Variants in SLC1A1 observed in about 807,000 individuals in gnomAD.
SLC1A1 encodes the protein solute carrier family 1 member 1, also known as excitatory amino acid transporter 3.
A neutral mutation model predicts 53.3 loss-of-function variants in SLC1A1; 43 were observed. The ratio of observed to expected loss-of-function variants is 0.81; its 90% confidence interval spans 0.63 to 1.04. The LOEUF is 1.04. Among genes scored for constraint, SLC1A1 ranks in the 50% least tolerant of loss-of-function variants. The pLI, the probability that SLC1A1 is intolerant of heterozygous loss-of-function variation, is 0.00. For missense variants in SLC1A1, 748 were observed against 664.9 expected, an observed-to-expected ratio of 1.12 and a Z score of -1.37; for synonymous variants, 307 against 243.2, an observed-to-expected ratio of 1.26 and a Z score of -2.44.
rs768109452 is a variant in SLC1A1, at chr9:4,583,104, G to T, written c.1260G>T (p.Val420=). Residue 420 remains valine, a synonymous_variant, in exon 11 of 12, where the codon GTG becomes GTT. Transcript: ENST00000262352. The surrounding 1 kb of genome is among the most constrained non-coding windows in gnomAD (Gnocchi z 4.6). The stretch of plus-strand genomic sequence containing the variant: ...CCCAGGCTGGCCTGGTGACCATGGT[G>T]ATTGTGCTGAGTGCCGTGGGCCTGC... ...GVPQAGLVTM[V]IVLSAVGLPA... The T allele has an allele frequency of 6.2e-7, 1 of 1,614,234 alleles. No homozygotes were observed. The highest frequency in any genetic ancestry group is 8.5e-7 in the Non-Finnish European group (1 of 1,180,046).
Position 4,583,147 on chromosome 9 carries a change from C to T in SLC1A1, c.1303C>T (p.Leu435=), listed in dbSNP as rs1026608136. The T allele has an allele frequency of 1.2e-6, 2 of 1,614,104 alleles. No individual in the cohort carries two copies. Among genetic ancestry groups the T allele is most frequent in the Admixed American group, 1.7e-5 (1 of 60,010 alleles). ...AVGLPAEDVT[L]IIAVDWLLDR... is the part of the protein sequence containing the mutation. ...GGGCCTGCCCGCCGAGGATGTCACC[C>T]TGATCATTGCTGTCGACTGGCTCCT... Residue 435 remains leucine (L), a synonymous_variant, in exon 11 of 12, where the codon CTG becomes TTG. Coordinates refer to ENST00000262352, the MANE Select transcript of SLC1A1 (RefSeq NM_004170.6). The surrounding 1 kb of genome is among the most constrained non-coding windows in gnomAD (Gnocchi z 4.6).
At chr9:4,515,828 T>C (rs931990489) in intron 1 of SLC1A1, among the ~76,000 whole-genome samples, 3 of 152,134 alleles carry the variant, frequency 2.0e-5, no homozygotes, top group Non-Finnish European at 4.4e-5. Context: ...AGTCAGAACC[T>C]CCTACCTTCC....
chr9:4,494,881 A>T (rs1179226262), intron 1 of SLC1A1, among the ~76,000 whole-genome samples: 1 of 152,168 alleles, frequency 6.6e-6, no homozygotes, highest in Admixed American at 6.5e-5. Flanking sequence ...TTATGCCATT[A>T]CTTCTGTCAT....
chr9:4,564,196 G>T (rs911556611), intron 3 of SLC1A1, 148 bp from the exon 4 acceptor site: 2 of 681,560 alleles, frequency 2.9e-6, no homozygotes, highest in Non-Finnish European at 5.4e-6. Flanking sequence ...TGAGGTTCCA[G>T]AGGAGGCTCA....
intron 1 of SLC1A1, among the ~76,000 whole-genome samples, chr9:4,516,765 C>T (rs142789334): frequency 3.2e-4 from 48 of 152,312 alleles, no homozygotes; most frequent in African/African-American, 1.0e-3. Context: ...GTTTAACACA[C>T]GGTTTATCTC....
intron 1 of SLC1A1, among the ~76,000 whole-genome samples, chr9:4,513,037 G>C (rs1007258293): frequency 6.6e-6 from 1 of 152,038 alleles, no homozygotes; most frequent in South Asian, 2.1e-4. Context: ...AAAAAAAAAT[G>C]AACCTCAACC....
At chr9:4,576,440 C>A in intron 9 of SLC1A1, 129 bp from the exon 10 acceptor site, 1 of 803,126 alleles carries the variant, frequency 1.2e-6, no homozygotes, top group East Asian at 2.6e-5. Context: ...TTGTTATTTT[C>A]TTTACTTTTC....
At chr9:4,515,396 G>A (rs1313542840) in intron 1 of SLC1A1, among the ~76,000 whole-genome samples, 1 of 152,160 alleles carries the variant, frequency 6.6e-6, no homozygotes, top group Non-Finnish European at 1.5e-5. Flanking sequence ...GTTTTCTGAA[G>A]GGAGGATAGA....
intron 1 of SLC1A1, among the ~76,000 whole-genome samples, chr9:4,494,876 C>T (rs1489692661): frequency 6.6e-6 from 1 of 152,092 alleles, no homozygotes; most frequent in African/African-American, 2.4e-5. Flanking sequence ...ACCAGTTATG[C>T]CATTACTTCT....
At chr9:4,540,421 G>C (rs1020729887) in intron 1 of SLC1A1, among the ~76,000 whole-genome samples, 3 of 152,290 alleles carry the variant, frequency 2.0e-5, no homozygotes, top group Middle Eastern at 3.4e-3. Flanking sequence ...TCTCGGTAGA[G>C]AGCAACTGTC....
intron 2 of SLC1A1, among the ~76,000 whole-genome samples, chr9:4,546,881 A>G (rs1395087882): frequency 6.6e-6 from 1 of 152,222 alleles, no homozygotes; most frequent in African/African-American, 2.4e-5. Flanking sequence ...TCACAATTGT[A>G]CATATATACT....
chr9:4,542,190 C>T (rs550921711), intron 1 of SLC1A1, among the ~76,000 whole-genome samples: 4 of 150,898 alleles, frequency 2.7e-5, no homozygotes, highest in African/African-American at 7.3e-5. Context: ...GGGAGAGACA[C>T]GGAGGGAGGG....
At chr9:4,559,607 T>A (rs542304354) in intron 2 of SLC1A1, among the ~76,000 whole-genome samples, 4 of 152,366 alleles carry the variant, frequency 2.6e-5, no homozygotes, top group African/African-American at 9.6e-5. Context: ...CTATGCATGC[T>A]GATAGCCATA....
intron 1 of SLC1A1, among the ~76,000 whole-genome samples, chr9:4,506,005 T>C (rs1820796976): frequency 2.0e-5 from 3 of 152,152 alleles, no homozygotes; most frequent in South Asian, 4.1e-4. Flanking sequence ...TGTATGTTTT[T>C]AGTAGAGAGG....
chr9:4,570,712 C>T (rs746979435), intron 6 of SLC1A1, among the ~76,000 whole-genome samples: 1 of 152,072 alleles, frequency 6.6e-6, no homozygotes, highest in African/African-American at 2.4e-5. Flanking sequence ...ACTCAGTTAT[C>T]TCTCTGTAAA....
In SLC1A1 at chr9:4,490,725, A is replaced by C; in HGVS notation, c.46A>C (p.Lys16Gln). ...RKGCEWKRFL[K>Q]NNWVLLSTVA... ...AGGATGCGAGTGGAAGCGCTTCCTG[A>C]AGAATAACTGGGTGTTGCTGTCCAC... Residue 16 changes from lysine to glutamine, a missense_variant, in exon 1 of 12, where the codon AAG (lysine) becomes CAG (glutamine). By Grantham distance (53) the Lys-to-Gln change is moderately conservative. Transcript: ENST00000262352. 9.3e-6 allele frequency: 15 copies of C among 1,612,900 alleles called. No individual in the cohort carries two copies. Among genetic ancestry groups the C allele is most frequent in the Non-Finnish European group, 1.3e-5 (15 of 1,179,150 alleles).
At chr9:4,535,411 A>G (rs576569730) in intron 1 of SLC1A1, among the ~76,000 whole-genome samples, 2 of 152,310 alleles carry the variant, frequency 1.3e-5, no homozygotes, top group African/African-American at 2.4e-5. Flanking sequence ...TTATACACCA[A>G]TAACAGACAA....
chr9:4,491,960 T>G (rs1467486498), intron 1 of SLC1A1, among the ~76,000 whole-genome samples: 1 of 152,164 alleles, frequency 6.6e-6, no homozygotes, highest in Non-Finnish European at 1.5e-5. Context: ...GAAATGGCCT[T>G]TGGAAGTTAA....
intron 1 of SLC1A1, among the ~76,000 whole-genome samples, chr9:4,494,960 G>C (rs977539450): frequency 2.6e-5 from 4 of 152,230 alleles, no homozygotes; most frequent in African/African-American, 4.8e-5. Context: ...TTACATGACA[G>C]AGCTGGCAAG....
Sources: gnomAD v4.1 joint callset for allele counts (sites outside exome capture counted in the v4.1 genomes callset) on GRCh38, gnomAD v4.1.1 for gene constraint, Gnocchi (gnomAD v3.1) non-coding constraint, MANE v1.5 for transcripts, NCBI Gene and HGNC (gene_info 2026-07-23, HGNC 2026-07-21) for gene names.